The following PPARGC1A variants were observed in gnomAD, a reference collection of about 807,000 sequenced individuals.
The protein encoded by PPARGC1A is PPARG coactivator 1 alpha.
In PPARGC1A, 25 loss-of-function variants were observed where a neutral mutation model predicts 88.7. That is an observed-to-expected ratio of 0.28 (90% confidence interval 0.21 to 0.39). The LOEUF is 0.39. Among genes scored for constraint, PPARGC1A ranks in the 10% least tolerant of loss-of-function variants. The pLI, the probability that PPARGC1A is intolerant of heterozygous loss-of-function variation, is 1.00. For missense variants in PPARGC1A, 880 were observed against 968.7 expected, an observed-to-expected ratio of 0.91 and a Z score of 1.22; for synonymous variants, 363 against 355.6, an observed-to-expected ratio of 1.02 and a Z score of -0.24.
At chr4:24,157,887 G>GA in the PPARGC1A span, among the ~76,000 whole-genome samples, 1 of 151,580 alleles carries the variant, frequency 6.6e-6, no homozygotes, top group Non-Finnish European at 1.5e-5. Context: ...AGAAAAGTCA[G>GA]AAAAAATAAA....
At chr4:23,963,902 A>C in the PPARGC1A span, among the ~76,000 whole-genome samples, 1 of 152,164 alleles carries the variant, frequency 6.6e-6, no homozygotes, top group Non-Finnish European at 1.5e-5. Context: ...TAATCTTCAA[A>C]TGAGTCTTCC....
intron 7 of PPARGC1A, among the ~76,000 whole-genome samples, chr4:23,815,017 T>C (rs772983240): frequency 1.3e-5 from 2 of 151,946 alleles, no homozygotes; most frequent in Non-Finnish European, 2.9e-5. Flanking sequence ...GGAATAGCCT[T>C]GGTAGCATTT....
chr4:23,805,559 A>C (rs1025368875), intron 10 of PPARGC1A, among the ~76,000 whole-genome samples: 1 of 152,188 alleles, frequency 6.6e-6, no homozygotes, highest in Admixed American at 6.6e-5. Flanking sequence ...TGGCAGTCAG[A>C]AAGTAGAAAT....
chr4:23,860,879 A>G (rs140045561), intron 2 of PPARGC1A, among the ~76,000 whole-genome samples: 23 of 152,290 alleles, frequency 1.5e-4, no homozygotes, highest in Non-Finnish European at 2.5e-4. Flanking sequence ...GACTCTTGGT[A>G]ATATTTACCT....
At chr4:24,059,737 G>A in the PPARGC1A span, among the ~76,000 whole-genome samples, 1 of 152,178 alleles carries the variant, frequency 6.6e-6, no homozygotes, top group African/African-American at 2.4e-5. Context: ...TCTGGATCCA[G>A]TACCCTATGG....
chr4:24,027,817 C>G, the PPARGC1A span, among the ~76,000 whole-genome samples: 1 of 152,250 alleles, frequency 6.6e-6, no homozygotes, highest in African/African-American at 2.4e-5. Context: ...TGGATTTTCT[C>G]CTACAGGGAG....
At chr4:24,247,182 C>T in the PPARGC1A span, among the ~76,000 whole-genome samples, 1 of 152,170 alleles carries the variant, frequency 6.6e-6, no homozygotes, top group African/African-American at 2.4e-5. Context: ...TAATGCCCTA[C>T]ATCCTCTCGA....
chr4:23,873,485 C>T (rs1560488863), intron 2 of PPARGC1A, among the ~76,000 whole-genome samples: 2 of 152,238 alleles, frequency 1.3e-5, no homozygotes, highest in Non-Finnish European at 2.9e-5. Flanking sequence ...TCTACCATGC[C>T]TCTGGTGCAG....
At chr4:24,343,726 G>A in the PPARGC1A span, among the ~76,000 whole-genome samples, 16 of 152,100 alleles carry the variant, frequency 1.1e-4, no homozygotes, top group African/African-American at 3.9e-4. Flanking sequence ...GAGATGTGGT[G>A]TGTGTCTTAC....
the PPARGC1A span, among the ~76,000 whole-genome samples, chr4:24,315,292 G>A: frequency 5.3e-5 from 8 of 152,174 alleles, no homozygotes; most frequent in African/African-American, 1.7e-4. Flanking sequence ...TGTCCTCCAT[G>A]AGCACAAAAG....
chr4:24,208,762 C>T, the PPARGC1A span, among the ~76,000 whole-genome samples: 1 of 150,338 alleles, frequency 6.7e-6, no homozygotes, highest in Admixed American at 6.6e-5. Context: ...TACTATGTGC[C>T]AGGCAAAAGT....
chr4:24,462,800 T>C, the PPARGC1A span, among the ~76,000 whole-genome samples: 14 of 151,066 alleles, frequency 9.3e-5, no homozygotes, highest in Non-Finnish European at 2.1e-4. Flanking sequence ...CCATAAATAT[T>C]TGAGGAATGA....
chr4:24,117,702 C>A, the PPARGC1A span, among the ~76,000 whole-genome samples: 2 of 151,516 alleles, frequency 1.3e-5, no homozygotes, highest in Non-Finnish European at 2.9e-5. Context: ...GAGGATAAGA[C>A]CAGATGACAG....
At position 23,793,439 on chromosome 4, in the gene PPARGC1A, C is replaced by T. The variant is rs1457003193; in HGVS notation, c.*2383G>A. 1 of 152,462 alleles carries T rather than the reference C, an allele frequency of 6.6e-6. No individual in the cohort carries two copies. The highest frequency in any genetic ancestry group is 1.5e-5 in the Non-Finnish European group (1 of 68,008). 9.4% of individuals were successfully genotyped at this position (152,462 alleles called of 1,614,324 possible). Reference sequence around the variant, plus strand: ...CATCCGACAGGACAAACAGTGGATTCACTCAGAACACAATATGCTGGTGAT... The same window carrying T: ...CATCCGACAGGACAAACAGTGGATTTACTCAGAACACAATATGCTGGTGAT... On this transcript the variant is annotated 3_prime_UTR_variant, in exon 13 of 13. Coordinates refer to ENST00000264867, the MANE Select transcript of PPARGC1A (RefSeq NM_013261.5).
At chr4:24,392,106 A>C in the PPARGC1A span, among the ~76,000 whole-genome samples, 94 of 152,302 alleles carry the variant, frequency 6.2e-4, no homozygotes, top group African/African-American at 2.2e-3. Flanking sequence ...TTTTATTGTC[A>C]TTCGCTTTTT....
chr4:24,415,083 G>A, the PPARGC1A span, among the ~76,000 whole-genome samples: 1 of 152,022 alleles, frequency 6.6e-6, no homozygotes, highest in African/African-American at 2.4e-5. Context: ...CCAGCTACTT[G>A]GGAAGCTGAG....
intron 2 of PPARGC1A, among the ~76,000 whole-genome samples, chr4:23,856,782 A>G (rs1254961946): frequency 6.6e-6 from 1 of 152,084 alleles, no homozygotes; most frequent in African/African-American, 2.4e-5. Context: ...TGGGGAGCCA[A>G]TAACAGAAGC....
At chr4:24,442,423 T>C in the PPARGC1A span, among the ~76,000 whole-genome samples, 4 of 152,230 alleles carry the variant, frequency 2.6e-5, no homozygotes, top group African/African-American at 9.6e-5. Context: ...TGGATAGTTT[T>C]AATTCGTAAT....
chr4:23,932,881 C>A, the PPARGC1A span, among the ~76,000 whole-genome samples: 1 of 152,062 alleles, frequency 6.6e-6, no homozygotes, highest in African/African-American at 2.4e-5. Context: ...AGAAGGCCAC[C>A]AACACATGGG....
Sources: gnomAD v4.1 joint callset for allele counts (sites outside exome capture counted in the v4.1 genomes callset) on GRCh38, gnomAD v4.1.1 for gene constraint, MANE v1.5 for transcripts, NCBI Gene and HGNC (gene_info 2026-07-23, HGNC 2026-07-21) for gene names.